MEGF11: variants seen among roughly 807,000 people sequenced by gnomAD.
MEGF11 encodes the protein multiple EGF like domains 11.
A neutral mutation model predicts 146.6 loss-of-function variants in MEGF11; 126 were observed. That is an observed-to-expected ratio of 0.86 (90% CI 0.74 to 1.00). The LOEUF (loss-of-function observed/expected upper bound fraction) is 1.00, where lower values mean the gene tolerates loss of function less well. Ranked by LOEUF, MEGF11 falls within the 50% of genes least tolerant of loss-of-function variation. The pLI is 0.00. For missense variants in MEGF11, 1,509 were observed against 1,521.2 expected, an observed-to-expected ratio of 0.99 and a Z score of 0.13; for synonymous variants, 532 against 583.4, an observed-to-expected ratio of 0.91 and a Z score of 1.27.
In MEGF11 at chr15:66,074,901, T is replaced by C. The variant is rs184141050; in HGVS notation, c.394+19501A>G. 5.9e-5 allele frequency among the ~76,000 whole-genome samples: 9 copies of C among 152,336 alleles called. No homozygotes were observed. The East Asian group carries it at 1.7e-3, about 29-fold the overall frequency. On this transcript the variant is annotated intron_variant, in intron 5 of 25. Transcript: ENST00000395614. ...TTTTAATTTGCATATCTTTGATTCC[T>C]AGTGAGGTCAGCATCTTTCCATACA... is the stretch of plus-strand genomic sequence containing the variant.
At chr15:66,144,268 T>G (rs960099731) in intron 1 of MEGF11, among the ~76,000 whole-genome samples, 5 of 151,730 alleles carry the variant, frequency 3.3e-5, no homozygotes, top group Middle Eastern at 6.8e-3. Flanking sequence ...GTCCAAAAGC[T>G]CCCCCAGGTG....
chr15:65,994,908 C>G (rs2082155612), intron 5 of MEGF11, among the ~76,000 whole-genome samples: 1 of 152,224 alleles, frequency 6.6e-6, no homozygotes, highest in East Asian at 1.9e-4. Flanking sequence ...CCTAGGTCTA[C>G]TAAGAACTGA....
chr15:65,964,413 C>T (rs538194151), intron 9 of MEGF11, among the ~76,000 whole-genome samples: 5 of 152,308 alleles, frequency 3.3e-5, no homozygotes, highest in African/African-American at 1.2e-4. Context: ...GGATGGCCCT[C>T]GTGATTTTTA....
At chr15:66,092,373 A>G (rs1235045486) in intron 5 of MEGF11, among the ~76,000 whole-genome samples, 1 of 152,210 alleles carries the variant, frequency 6.6e-6, no homozygotes, top group Non-Finnish European at 1.5e-5. Context: ...CATGGGTTCA[A>G]TAGCACATGC....
chr15:66,039,786 CCGGGT>C (rs1567213414), intron 5 of MEGF11, among the ~76,000 whole-genome samples: 7 of 137,280 alleles, frequency 5.1e-5, no homozygotes, highest in Non-Finnish European at 9.4e-5. Flanking sequence ...CGGTCCTGAG[CCGGGT>C]CAGGCGGCGG....
At chr15:66,187,362 C>T (rs1301756043) in intron 1 of MEGF11, among the ~76,000 whole-genome samples, 4 of 152,200 alleles carry the variant, frequency 2.6e-5, no homozygotes, top group Non-Finnish European at 5.9e-5. Flanking sequence ...TGTTCTTCCA[C>T]ACACAGGGGA....
At position 65,922,419 on chromosome 15, in the gene MEGF11, C is replaced by G; in HGVS notation, c.1876G>C (p.Val626Leu). Reference protein sequence around the residue: ...HGCAQPCPLCVHSSRPCHHIS... With the variant: ...HGCAQPCPLCLHSSRPCHHIS... ...TGGTGGCAGGGCCTGCTGCTGTGCA[C>G]GCAGAGGGGGCATGGCTGGGCGCAG... Residue 626 changes from valine (V) to leucine (L), a missense_variant, in exon 15 of 26, where the codon GTG (valine) becomes CTG (leucine). Val to Leu is a conservative substitution (Grantham distance 32). Coordinates refer to ENST00000395614, the MANE Select transcript of MEGF11 (RefSeq NM_001385028.1). 6.3e-7 allele frequency: 1 copy of G among 1,592,224 alleles called. No individual in the cohort carries two copies. Among genetic ancestry groups the G allele is most frequent in the Non-Finnish European group, 8.5e-7 (1 of 1,170,002 alleles).
chr15:66,028,903 T>A (rs1029929452), intron 5 of MEGF11, among the ~76,000 whole-genome samples: 61 of 152,372 alleles, frequency 4.0e-4, no homozygotes, highest in African/African-American at 1.5e-3. Context: ...GTGATTTATT[T>A]TTGTTTTTAA....
intron 10 of MEGF11, among the ~76,000 whole-genome samples, chr15:65,944,136 G>A (rs75132779): frequency 0.013 from 2,025 of 152,312 alleles, 38 homozygotes; most frequent in South Asian, 0.045. Context: ...GCCGGGCTTG[G>A]ATAGGCTGGG....
At chr15:66,003,613 C>G (rs2082430229) in intron 5 of MEGF11, among the ~76,000 whole-genome samples, 1 of 152,060 alleles carries the variant, frequency 6.6e-6, no homozygotes, top group Non-Finnish European at 1.5e-5. Context: ...CTTCGAGTCC[C>G]CTCCCTCACC....
intron 22 of MEGF11, among the ~76,000 whole-genome samples, chr15:65,909,354 C>T (rs1182798674): frequency 6.6e-6 from 1 of 151,970 alleles, no homozygotes; most frequent in Non-Finnish European, 1.5e-5. Flanking sequence ...CCTTCCCTCC[C>T]TCCCTCCCTC....
At position 66,110,961 on chromosome 15, in the gene MEGF11, GCCCTC is replaced by G; in HGVS notation, c.301+8120_301+8124del. On this transcript the variant is annotated intron_variant, in intron 4 of 25. Transcript: ENST00000395614. ...CCTCCCCCTCCAAACCTCCTCCCCT[GCCCTC>G]TTGACTGACCCCACTTCTCTCTTCT... Among the ~76,000 whole-genome samples the G allele has an allele frequency of 8.6e-5, 13 of 151,844 alleles. No homozygotes were observed. In the South Asian group the frequency reaches 1.9e-3, roughly 22 times the overall value.
At chr15:66,132,543 G>A (rs2140977214) in intron 1 of MEGF11, among the ~76,000 whole-genome samples, 1 of 152,324 alleles carries the variant, frequency 6.6e-6, no homozygotes, top group African/African-American at 2.4e-5. Flanking sequence ...CGGCAGGAGT[G>A]GCAGCAGTCA....
At chr15:66,190,189 A>G (rs2090831689) in intron 1 of MEGF11, among the ~76,000 whole-genome samples, 1 of 152,194 alleles carries the variant, frequency 6.6e-6, no homozygotes, top group African/African-American at 2.4e-5. Flanking sequence ...ATCTGTCTCC[A>G]TTAGGATACA....
intron 1 of MEGF11, among the ~76,000 whole-genome samples, chr15:66,191,165 C>G (rs543425115): frequency 2.0e-5 from 3 of 152,274 alleles, no homozygotes; most frequent in South Asian, 4.2e-4. Context: ...ATCCCTCCCC[C>G]CGCCAAAAGA....
rs994738115 is a variant in MEGF11, at chr15:66,063,452, G to A, written c.394+30950C>T. ...AATCAGCCCTAGCTCCATTTCTGATGGGCCCCTGGGGTGGCCTGGAAAGCC... is the reference window on the plus strand; with the variant it reads ...AATCAGCCCTAGCTCCATTTCTGATAGGCCCCTGGGGTGGCCTGGAAAGCC... On this transcript the variant is annotated intron_variant, in intron 5 of 25. Coordinates refer to ENST00000395614, the MANE Select transcript of MEGF11 (RefSeq NM_001385028.1). 3.3e-5 allele frequency among the ~76,000 whole-genome samples: 5 copies of A among 152,162 alleles called. No individual in the cohort carries two copies. In the South Asian group the frequency reaches 8.3e-4, roughly 25 times the overall value.
intron 10 of MEGF11, among the ~76,000 whole-genome samples, chr15:65,940,391 C>T (rs1297500202): frequency 6.6e-6 from 1 of 152,268 alleles, no homozygotes; most frequent in African/African-American, 2.4e-5. Context: ...CCACCCTTGT[C>T]AGTCACACCC....
chr15:66,234,088 G>A (rs766900843), intron 1 of MEGF11, among the ~76,000 whole-genome samples: 11 of 151,570 alleles, frequency 7.3e-5, no homozygotes, highest in East Asian at 1.9e-4. Flanking sequence ...TAGTAGGGAC[G>A]GGGTTTCGCT....
chr15:66,055,400 T>A (rs1597035320), intron 5 of MEGF11, among the ~76,000 whole-genome samples: 1 of 152,248 alleles, frequency 6.6e-6, no homozygotes, highest in African/African-American at 2.4e-5. Flanking sequence ...TAATCAAACA[T>A]TTAATTTGCA....
Sources: gnomAD v4.1 joint callset for allele counts (sites outside exome capture counted in the v4.1 genomes callset) on GRCh38, gnomAD v4.1.1 for gene constraint, MANE v1.5 for transcripts, NCBI Gene and HGNC (gene_info 2026-07-23, HGNC 2026-07-21) for gene names.